The following ANO3 variants were observed in gnomAD, a reference collection of about 807,000 sequenced individuals.
ANO3 encodes anoctamin 3.
A neutral mutation model predicts 144.8 loss-of-function variants in ANO3; 99 were observed. The observed-to-expected ratio is 0.68, with a 90% CI of 0.58 to 0.81. The LOEUF (loss-of-function observed/expected upper bound fraction) is 0.81, where lower values mean the gene tolerates loss of function less well. ANO3 is among the 30% of genes least tolerant of loss of function. The pLI, the probability that ANO3 is intolerant of heterozygous loss-of-function variation, is 0.00. For missense variants in ANO3, 905 were observed against 1,202.2 expected (o/e 0.75, Z 3.66); for synonymous variants, 414 against 392.6 (o/e 1.05, Z -0.64).
chr11:26,250,337 A>C (rs1230818894), intron 1 of ANO3, among the ~76,000 whole-genome samples: 1 of 152,116 alleles, frequency 6.6e-6, no homozygotes, highest in Non-Finnish European at 1.5e-5. Flanking sequence ...AAAGAGTATA[A>C]TTTTCTCTCT....
At chr11:26,564,942 C>T (rs1850506761) in intron 14 of ANO3, among the ~76,000 whole-genome samples, 1 of 150,700 alleles carries the variant, frequency 6.6e-6, no homozygotes, top group African/African-American at 2.4e-5. Context: ...CCCATTGTCT[C>T]CTTACACTCC....
intron 4 of ANO3, among the ~76,000 whole-genome samples, chr11:26,485,784 T>C (rs1462857716): frequency 6.6e-6 from 1 of 152,024 alleles, no homozygotes; most frequent in Non-Finnish European, 1.5e-5. Flanking sequence ...CTTCTTGACA[T>C]TGGGGTAGGC....
chr11:26,616,814 C>G (rs1305873408), intron 17 of ANO3, among the ~76,000 whole-genome samples: 4 of 151,910 alleles, frequency 2.6e-5, no homozygotes, highest in Admixed American at 6.6e-5. Context: ...TCTCTGTTGC[C>G]CAGGATGGAG....
At chr11:26,607,391 G>A (rs1040461078) in intron 17 of ANO3, among the ~76,000 whole-genome samples, 2 of 152,046 alleles carry the variant, frequency 1.3e-5, no homozygotes, top group African/African-American at 4.8e-5. Context: ...AAGTTCTGCT[G>A]GATAATATCC....
chr11:26,295,346 G>A (rs1382766854), intron 1 of ANO3, among the ~76,000 whole-genome samples: 2 of 151,206 alleles, frequency 1.3e-5, no homozygotes, highest in Non-Finnish European at 2.9e-5. Context: ...GTAAAACCCC[G>A]TCTCTACTAA....
intron 1 of ANO3, among the ~76,000 whole-genome samples, chr11:26,366,716 C>G (rs1192120823): frequency 2.0e-5 from 3 of 151,702 alleles, no homozygotes; most frequent in African/African-American, 7.3e-5. Flanking sequence ...ATTTGCATTT[C>G]TCTGATGGCC....
At chr11:26,451,549 A>G (rs4440983) in intron 3 of ANO3, among the ~76,000 whole-genome samples, 149,069 of 152,274 alleles carry the variant, frequency 0.98, 73,045 homozygotes, top group East Asian at 1. Context: ...GCCCGCCATT[A>G]CTCAGGCTTG....
intron 1 of ANO3, among the ~76,000 whole-genome samples, chr11:26,297,860 T>C (rs770158783): frequency 1.3e-5 from 2 of 152,168 alleles, no homozygotes; most frequent in Non-Finnish European, 2.9e-5. Context: ...GGAAGTTAAA[T>C]AACTCGACTC....
chr11:26,581,767 A>G (rs1474546947), intron 14 of ANO3, among the ~76,000 whole-genome samples: 1 of 152,080 alleles, frequency 6.6e-6, no homozygotes, highest in African/African-American at 2.4e-5. Flanking sequence ...AAAGATGGAA[A>G]GTATCATGTG....
At chr11:26,321,080 A>T (rs74489449) in intron 1 of ANO3, among the ~76,000 whole-genome samples, 1 of 152,002 alleles carries the variant, frequency 6.6e-6, no homozygotes, top group African/African-American at 2.4e-5. Flanking sequence ...TTCTCCTTGG[A>T]CAATGTACTG....
intron 4 of ANO3, among the ~76,000 whole-genome samples, chr11:26,464,904 G>A (rs1050258643): frequency 6.6e-6 from 1 of 151,666 alleles, no homozygotes; most frequent in African/African-American, 2.4e-5. Flanking sequence ...TTCCATTTGA[G>A]CAATAACCAG....
intron 4 of ANO3, among the ~76,000 whole-genome samples, chr11:26,465,598 A>G (rs1485510200): frequency 6.6e-6 from 1 of 151,902 alleles, no homozygotes; most frequent in Admixed American, 6.6e-5. Flanking sequence ...CTTTCTAACA[A>G]GCTTGCCATC....
At chr11:26,417,649 C>T (rs948255582) in intron 1 of ANO3, among the ~76,000 whole-genome samples, 1 of 151,892 alleles carries the variant, frequency 6.6e-6, no homozygotes, top group African/African-American at 2.4e-5. Context: ...TTAAAGTATA[C>T]ATATTTTTTA....
At chr11:26,467,343 A>G (rs1382782207) in intron 4 of ANO3, among the ~76,000 whole-genome samples, 2 of 152,014 alleles carry the variant, frequency 1.3e-5, no homozygotes, top group Non-Finnish European at 2.9e-5. Context: ...AGTATTGACT[A>G]TAGTCACCCT....
intron 3 of ANO3, among the ~76,000 whole-genome samples, chr11:26,458,335 G>A (rs753540566): frequency 1.3e-5 from 2 of 152,026 alleles, no homozygotes; most frequent in South Asian, 2.1e-4. Context: ...GTTGACTGAC[G>A]CTAATACTAA....
At chr11:26,558,364 A>G (rs1381023601) in intron 13 of ANO3, among the ~76,000 whole-genome samples, 1 of 152,040 alleles carries the variant, frequency 6.6e-6, no homozygotes, top group African/African-American at 2.4e-5. Context: ...ATGTTGGTTT[A>G]CAAAGGAAAA....
Position 26,591,433 on chromosome 11 carries a change from C to T in ANO3, c.1448-6932C>T, listed in dbSNP as rs187740746. Among the ~76,000 whole-genome samples the T allele has an allele frequency of 4.6e-5, 7 of 152,180 alleles. No individual in the cohort carries two copies. The East Asian group carries it at 1.2e-3, about 25-fold the overall frequency. On this transcript the variant is annotated intron_variant, in intron 14 of 26. Coordinates refer to ENST00000256737, the MANE Select transcript of ANO3 (RefSeq NM_031418.4). ...TGCATCTGGGGCTCCATTTGAAGAACCATTTGTAGTTTTACAACTTCGATT... is the reference window on the plus strand; with the variant it reads ...TGCATCTGGGGCTCCATTTGAAGAATCATTTGTAGTTTTACAACTTCGATT...
chr11:26,289,534 AAT>A (rs1362923053), intron 1 of ANO3, among the ~76,000 whole-genome samples: 1 of 140,902 alleles, frequency 7.1e-6, no homozygotes, highest in African/African-American at 2.7e-5. Context: ...ACATATATAG[AAT>A]ATATATATTC....
At chr11:26,234,574 A>G (rs1183325220) in intron 1 of ANO3, among the ~76,000 whole-genome samples, 1 of 152,202 alleles carries the variant, frequency 6.6e-6, no homozygotes, top group African/African-American at 2.4e-5. Context: ...AAGAGAAGGT[A>G]CAGACTAAAA....
Sources: allele counts gnomAD v4.1 joint callset (sites outside exome capture counted in the v4.1 genomes callset), GRCh38; gene constraint gnomAD v4.1.1; transcripts MANE v1.5; gene names NCBI Gene and HGNC (gene_info 2026-07-23, HGNC 2026-07-21).